The following PECAM1 variants were observed in gnomAD, a reference collection of about 807,000 sequenced individuals.
PECAM1 encodes platelet endothelial cell adhesion molecule.
A neutral mutation model predicts 13.8 loss-of-function variants in PECAM1; 8 were observed. The ratio of observed to expected loss-of-function variants is 0.58; its 90% CI spans 0.34 to 1.05. PECAM1 has a LOEUF of 1.05. Among genes scored for constraint, PECAM1 ranks in the 50% least tolerant of loss-of-function variants. The pLI is 0.03. For missense variants in PECAM1, 304 were observed against 141.2 expected (o/e 2.15, Z -5.84); for synonymous variants, 136 against 52.6 (o/e 2.58, Z -6.86).
In PECAM1 at chr17:64,335,806, G is replaced by A. The variant is rs1286943879; in HGVS notation, c.2164+5828C>T. ...AGCTTTAACTGTGACAGAGGAGGAA[G>A]GGACCCGCCCAACCGCAAGATAATT... is the stretch of plus-strand genomic sequence containing the variant. On this transcript the variant is annotated intron_variant, in intron 14 of 15. Coordinates refer to ENST00000563924, the MANE Select transcript of PECAM1 (RefSeq NM_000442.5). Among the ~76,000 whole-genome samples the A allele has an allele frequency of 4.6e-5, 7 of 152,336 alleles. No individual in the cohort carries two copies. The East Asian group carries it at 1.3e-3, about 29-fold the overall frequency.
intron 5 of PECAM1, among the ~76,000 whole-genome samples, chr17:64,369,294 C>G (rs1169629348): frequency 3.3e-5 from 5 of 152,024 alleles, no homozygotes; most frequent in African/African-American, 1.2e-4. Flanking sequence ...TCATAGGACC[C>G]ACGTCTGGGA....
At chr17:64,330,425 C>G (rs1274492682) in intron 14 of PECAM1, among the ~76,000 whole-genome samples, 4 of 151,778 alleles carry the variant, frequency 2.6e-5, no homozygotes, top group Non-Finnish European at 5.9e-5. Context: ...GGCGGATCAC[C>G]TGAGGCCAGG....
chr17:64,352,340 T>C (rs2035744980), intron 11 of PECAM1, 50 bp downstream of exon 11: 7 of 470,422 alleles, frequency 1.5e-5, no homozygotes, highest in Non-Finnish European at 1.6e-5. Flanking sequence ...GCTAAGGAAG[T>C]ATGTAGCAAG....
intron 2 of PECAM1, among the ~76,000 whole-genome samples, chr17:64,385,356 A>G (rs1259309898): frequency 1.3e-5 from 2 of 152,208 alleles, no homozygotes; most frequent in Admixed American, 6.5e-5. Context: ...ATGCGGCACC[A>G]TCAGTCAGCC....
At chr17:64,358,804 T>C (rs970866407) in intron 7 of PECAM1, among the ~76,000 whole-genome samples, 2 of 151,998 alleles carry the variant, frequency 1.3e-5, no homozygotes, top group Admixed American at 6.6e-5. Flanking sequence ...ATGTTAATTT[T>C]TTTTTTTTTT....
intron 5 of PECAM1, among the ~76,000 whole-genome samples, chr17:64,365,051 A>C (rs2036072403): frequency 6.6e-6 from 1 of 152,044 alleles, no homozygotes. Context: ...TGCAGATGAC[A>C]TGATTGGATA....
chr17:64,337,743 G>C lies in PECAM1; in HGVS notation c.2164+3891C>G, dbSNP rs922249430. On this transcript the variant is annotated intron_variant, in intron 14 of 15. Coordinates refer to ENST00000563924, the MANE Select transcript of PECAM1 (RefSeq NM_000442.5). ...AATCTAGAACCAACCTGGAGACCCC[G>C]AGAGAACCCACTTGAACAGCCAGCT... Among the ~76,000 whole-genome samples the C allele has an allele frequency of 7.2e-5, 11 of 152,186 alleles. No individual in the cohort carries two copies. In the East Asian group the frequency reaches 2.1e-3, roughly 29 times the overall value.
At chr17:64,371,998 G>A (rs1306892079) in intron 4 of PECAM1, among the ~76,000 whole-genome samples, 6 of 152,126 alleles carry the variant, frequency 3.9e-5, no homozygotes, top group Admixed American at 2.6e-4. Flanking sequence ...GGAAAAAAAT[G>A]TAATAGATGA....
intron 2 of PECAM1, among the ~76,000 whole-genome samples, chr17:64,384,311 G>A (rs1302707762): frequency 1.3e-5 from 2 of 151,824 alleles, no homozygotes; most frequent in Admixed American, 6.6e-5. Context: ...AAATATCATC[G>A]ACAAAACAAC....
intron 2 of PECAM1, among the ~76,000 whole-genome samples, chr17:64,384,746 C>T (rs982350377): frequency 1.3e-5 from 2 of 152,246 alleles, no homozygotes; most frequent in East Asian, 3.8e-4. Context: ...AACTCAGCCA[C>T]TCCTGCATTC....
At chr17:64,380,799 T>C (rs1334133622) in intron 2 of PECAM1, among the ~76,000 whole-genome samples, 1 of 152,080 alleles carries the variant, frequency 6.6e-6, no homozygotes, top group Non-Finnish European at 1.5e-5. Flanking sequence ...TCAGCCTGGC[T>C]AACATGGTGA....
chr17:64,353,439 C>T (rs2035778170), intron 10 of PECAM1, 52 bp downstream of exon 10: 2 of 451,828 alleles, frequency 4.4e-6, no homozygotes. Context: ...TCCCTCCAGA[C>T]ATGTCCACCG....
chr17:64,345,118 C>T (rs2035530898), intron 13 of PECAM1, among the ~76,000 whole-genome samples: 1 of 152,178 alleles, frequency 6.6e-6, no homozygotes, highest in Non-Finnish European at 1.5e-5. Context: ...TCCCAAAGTG[C>T]TGGGATTACA....
intron 5 of PECAM1, among the ~76,000 whole-genome samples, chr17:64,367,283 G>A (rs1354358437): frequency 1.3e-5 from 2 of 152,074 alleles, no homozygotes; most frequent in African/African-American, 4.8e-5. Context: ...AGGGCGTGGT[G>A]GCTCACACCT....
intron 13 of PECAM1, among the ~76,000 whole-genome samples, chr17:64,346,893 G>A (rs2035582414): frequency 2.0e-5 from 3 of 152,246 alleles, no homozygotes; most frequent in East Asian, 3.9e-4. Flanking sequence ...CAAAGCACTC[G>A]ATATCTTGAA....
At chr17:64,343,070 G>C (rs2035474712) in intron 13 of PECAM1, among the ~76,000 whole-genome samples, 1 of 152,296 alleles carries the variant, frequency 6.6e-6, no homozygotes, top group Admixed American at 6.5e-5. Context: ...CTGTAGAAAA[G>C]AGCCTGATGT....
intron 10 of PECAM1, among the ~76,000 whole-genome samples, 183 bp from the exon 11 acceptor site, chr17:64,352,646 T>C (rs1288974119): frequency 7.9e-6 from 1 of 126,230 alleles, no homozygotes; most frequent in Non-Finnish European, 1.7e-5. Flanking sequence ...GCTCCAAGGA[T>C]TATGTAAAAA....
At chr17:64,356,683 G>C (rs2035854811) in intron 7 of PECAM1, among the ~76,000 whole-genome samples, 1 of 151,990 alleles carries the variant, frequency 6.6e-6, no homozygotes, top group Admixed American at 6.6e-5. Flanking sequence ...TTAGAGACGG[G>C]GTTTTGCCCT....
At position 64,323,221 on chromosome 17, in the gene PECAM1, T is replaced by C; in HGVS notation, c.*595A>G. ...GTGCGTTGCCTGAATGAACGGTGTC[T>C]TCAGGTTGGTATTTCACAGGCGGTG... On this transcript the variant is annotated 3_prime_UTR_variant, in exon 16 of 16. Coordinates refer to ENST00000563924, the MANE Select transcript of PECAM1 (RefSeq NM_000442.5). 1 of 990,022 alleles carries C rather than the reference T, an allele frequency of 1.0e-6. No individual in the cohort carries two copies. 61.3% of individuals were successfully genotyped at this position (990,022 alleles called of 1,614,324 possible).
Sources: allele counts gnomAD v4.1 joint callset (sites outside exome capture counted in the v4.1 genomes callset), GRCh38; gene constraint gnomAD v4.1.1; transcripts MANE v1.5; gene names NCBI Gene and HGNC (gene_info 2026-07-23, HGNC 2026-07-21).